PRR5: variants seen among roughly 807,000 people sequenced by gnomAD.
The protein encoded by PRR5 is proline-rich protein 5.
PRR5 carries 25 observed loss-of-function variants against 30.6 expected under a neutral mutation model. That is an observed-to-expected ratio of 0.82 (90% confidence interval 0.60 to 1.14). PRR5 has a LOEUF of 1.14. Among genes scored for constraint, PRR5 ranks in the 50% most tolerant of loss-of-function variants. The probability of loss-of-function intolerance (pLI) is 0.00; values close to 1 mark genes in which losing one functional copy is unlikely to be tolerated. For missense variants in PRR5, 600 were observed against 547.1 expected (o/e 1.10, Z -0.96); for synonymous variants, 286 against 247.1 (o/e 1.16, Z -1.48).
intron 2 of PRR5, among the ~76,000 whole-genome samples, chr22:44,715,683 C>A (rs879686894): frequency 6.6e-6 from 1 of 152,086 alleles, no homozygotes; most frequent in Non-Finnish European, 1.5e-5. Context: ...GAGACGGGGT[C>A]TTGCTCTTGC....
intron 2 of PRR5, among the ~76,000 whole-genome samples, chr22:44,721,231 TCC>T (rs1355248877): frequency 3.3e-5 from 5 of 152,196 alleles, no homozygotes; most frequent in African/African-American, 1.2e-4. Context: ...GAAAGCACAC[TCC>T]CCAGGGTGGG....
intron 5 of PRR5, 111 bp downstream of exon 5, chr22:44,731,932 T>C: frequency 1.1e-6 from 1 of 948,480 alleles, no homozygotes. Flanking sequence ...CCTGCTCTGC[T>C]CTGTGCTGCT....
chr22:44,732,141 G>A, intron 5 of PRR5, 110 bp from the exon 6 acceptor site: 2 of 1,523,736 alleles, frequency 1.3e-6, no homozygotes, highest in Non-Finnish European at 1.8e-6. Context: ...GGGGTGGAGG[G>A]GCCTGAGGGT....
upstream of PRR5, among the ~76,000 whole-genome samples, chr22:44,699,204 T>C (rs1051546979): frequency 6.6e-6 from 1 of 152,178 alleles, no homozygotes; most frequent in Non-Finnish European, 1.5e-5. Context: ...CCCAGCCCCC[T>C]GTTTCCCTCC....
chr22:44,716,193 G>T (rs1042768268), intron 2 of PRR5, among the ~76,000 whole-genome samples: 1 of 152,208 alleles, frequency 6.6e-6, no homozygotes, highest in East Asian at 1.9e-4. Context: ...TCCCTCGTCA[G>T]CCCCAGGATT....
chr22:44,713,439 G>A (rs1016145526), intron 1 of PRR5, among the ~76,000 whole-genome samples: 1 of 152,198 alleles, frequency 6.6e-6, no homozygotes, highest in African/African-American at 2.4e-5. Flanking sequence ...TGCCATGTTG[G>A]CCAGGCTGGT....
chr22:44,671,203 G>A (rs1923408017), intron 1 of PRR5, among the ~76,000 whole-genome samples: 1 of 152,166 alleles, frequency 6.6e-6, no homozygotes, highest in South Asian at 2.1e-4. Context: ...GCCCAGAGGG[G>A]GGCCGCAGGG....
chr22:44,679,902 G>A (rs1569063435), intron 1 of PRR5: 8 of 1,563,290 alleles, frequency 5.1e-6, no homozygotes, highest in Non-Finnish European at 6.9e-6. Flanking sequence ...CTGTGCCGAA[G>A]GGTGGCTACG....
Position 44,737,470 on chromosome 22 carries a change from C to T in PRR5, c.*223C>T, listed in dbSNP as rs1923496632. 2 of 967,762 alleles carry T rather than the reference C, an allele frequency of 2.1e-6. No individual in the cohort carries two copies. Among genetic ancestry groups the T allele is most frequent in the East Asian group, 5.6e-5 (2 of 35,414 alleles). 59.9% of individuals were successfully genotyped at this position (967,762 alleles called of 1,614,324 possible). ...TCAGGCATCTGAGTCGGCGTTTACCCAGGGGCCGGGCCAGAGACGGGGGTC... is the reference window on the plus strand; with the variant it reads ...TCAGGCATCTGAGTCGGCGTTTACCTAGGGGCCGGGCCAGAGACGGGGGTC... On this transcript the variant is annotated 3_prime_UTR_variant, in exon 8 of 8. Coordinates refer to ENST00000336985, the MANE Select transcript of PRR5 (RefSeq NM_181333.4).
intron 2 of PRR5, among the ~76,000 whole-genome samples, chr22:44,722,152 A>G (rs1290858966): frequency 1.3e-5 from 2 of 152,172 alleles, no homozygotes; most frequent in African/African-American, 4.8e-5. Flanking sequence ...CTGATTTCAC[A>G]GTTGTGCAAG....
chr22:44,734,854 TGA>T (rs1486197202), intron 6 of PRR5, 171 bp from the exon 7 acceptor site: 6 of 830,852 alleles, frequency 7.2e-6, no homozygotes, highest in African/African-American at 3.4e-5. Flanking sequence ...CCACATGCTC[TGA>T]GAGGGGCTGG....
chr22:44,699,694 C>T (rs535892682), upstream of PRR5, among the ~76,000 whole-genome samples: 13 of 152,270 alleles, frequency 8.5e-5, no homozygotes, highest in East Asian at 1.2e-3. Flanking sequence ...AAAAAGTCAT[C>T]GGGTGACAAC....
chr22:44,733,841 G>C (rs987533423), intron 6 of PRR5, among the ~76,000 whole-genome samples: 6 of 152,188 alleles, frequency 3.9e-5, no homozygotes, highest in Non-Finnish European at 8.8e-5. Flanking sequence ...GAAACCCCAA[G>C]AGTTCAGGCG....
At chr22:44,688,893 C>CGGG (rs1924993490) in intron 1 of PRR5, among the ~76,000 whole-genome samples, 3 of 152,150 alleles carry the variant, frequency 2.0e-5, no homozygotes, top group Non-Finnish European at 4.4e-5. Flanking sequence ...GAGGCTGAAG[C>CGGG]AGGAGACTGG....
rs1223564506 is a variant in PRR5, at chr22:44,725,309, C to T, written c.264+17C>T. On this transcript the variant is annotated intron_variant, in intron 3 of 7. Coordinates refer to ENST00000336985, the MANE Select transcript of PRR5 (RefSeq NM_181333.4). ...TACCTGCAGGTAGGTGGGTCTTGCT[C>T]CAGCCAGGCTGGGCCTGCCTCATGA... 1.1e-5 allele frequency: 18 copies of T among 1,612,508 alleles called. No homozygotes were observed. The highest frequency in any genetic ancestry group is 1.4e-5 in the Non-Finnish European group (17 of 1,179,910).
chr22:44,692,735 G>A (rs1045236040), intron 1 of PRR5, among the ~76,000 whole-genome samples: 1 of 152,222 alleles, frequency 6.6e-6, no homozygotes, highest in African/African-American at 2.4e-5. Context: ...TGGGAGTGCA[G>A]CCCGGGAGTC....
At chr22:44,704,766 C>G (rs1379326473) in intron 1 of PRR5, among the ~76,000 whole-genome samples, 1 of 151,992 alleles carries the variant, frequency 6.6e-6, no homozygotes, top group Non-Finnish European at 1.5e-5. Flanking sequence ...AGGAGACATG[C>G]CCAGCTCATC....
At chr22:44,705,002 G>A (rs1926951961) in intron 1 of PRR5, among the ~76,000 whole-genome samples, 1 of 152,200 alleles carries the variant, frequency 6.6e-6, no homozygotes, top group South Asian at 2.1e-4. Flanking sequence ...GTCGGGGACA[G>A]GCGTGTCATT....
Position 44,691,207 on chromosome 22 carries a change from G to A in PRR5, c.-10-11285G>A, listed in dbSNP as rs1425653652. Among the ~76,000 whole-genome samples, 1 of 152,116 alleles carries A rather than the reference G, an allele frequency of 6.6e-6. No homozygotes were observed. The highest frequency in any genetic ancestry group is 1.5e-5 in the Non-Finnish European group (1 of 68,020). ...AGGTAGGAAGATCTGGGCTGCTTCCGGGAGGATTTGGGTAGAGAAAACCGG... is the reference window on the plus strand; with the variant it reads ...AGGTAGGAAGATCTGGGCTGCTTCCAGGAGGATTTGGGTAGAGAAAACCGG... On this transcript the variant is annotated intron_variant, in intron 1 of 8. Transcript: ENST00000006251. This position sits in a 1 kb window ranked among gnomAD's most constrained non-coding sequence, Gnocchi z 4.4.
Sources: allele counts gnomAD v4.1 joint callset (sites outside exome capture counted in the v4.1 genomes callset), GRCh38; gene constraint gnomAD v4.1.1; non-coding constraint Gnocchi (gnomAD v3.1); transcripts MANE v1.5; gene names NCBI Gene and HGNC (gene_info 2026-07-23, HGNC 2026-07-21).